The following SLC5A5 variants were observed in gnomAD, a reference collection of about 807,000 sequenced individuals.
SLC5A5 encodes solute carrier family 5 member 5.
SLC5A5 carries 56 observed loss-of-function variants against 68.6 expected under a neutral mutation model. That is an observed-to-expected ratio of 0.82 (90% CI 0.66 to 1.02). The LOEUF is 1.02. Ranked by LOEUF, SLC5A5 falls within the 50% of genes least tolerant of loss-of-function variation. The probability of loss-of-function intolerance (pLI) is 0.00; values close to 1 mark genes in which losing one functional copy is unlikely to be tolerated. For missense variants in SLC5A5, 807 were observed against 859.8 expected (o/e 0.94, Z 0.77); for synonymous variants, 398 against 373.0 (o/e 1.07, Z -0.77).
At chr19:17,878,236 C>T (rs369856922) in intron 7 of SLC5A5, 143 bp downstream of exon 7, 9 of 983,884 alleles carry the variant, frequency 9.1e-6, no homozygotes, top group East Asian at 2.6e-5. Flanking sequence ...CCAGGTGCGG[C>T]GGCTCATGCC....
At chr19:17,875,923 C>CCT (rs1387626980) in intron 4 of SLC5A5, 29 bp from the exon 5 acceptor site, 1 of 1,613,650 alleles carries the variant, frequency 6.2e-7, no homozygotes, top group African/African-American at 1.3e-5. Context: ...TCTAACCGCC[C>CCT]CTCTCCCTCT....
chr19:17,882,766 C>T (rs2094323743), intron 10 of SLC5A5, among the ~76,000 whole-genome samples: 1 of 152,146 alleles, frequency 6.6e-6, no homozygotes, highest in Non-Finnish European at 1.5e-5. Flanking sequence ...TCACTGCAAG[C>T]TCAGCCTCCT....
At chr19:17,885,866 A>C (rs2029896555) in intron 12 of SLC5A5, among the ~76,000 whole-genome samples, 1 of 151,668 alleles carries the variant, frequency 6.6e-6, no homozygotes, top group Admixed American at 6.6e-5. Context: ...AGCATAATAC[A>C]TATATATTTT....
chr19:17,880,919 C>T lies in SLC5A5; in HGVS notation c.1024C>T (p.Leu342Phe), dbSNP rs749157460. The T allele has an allele frequency of 6.2e-7, 1 of 1,614,032 alleles. No homozygotes were observed. The highest frequency in any genetic ancestry group is 1.7e-5 in the Admixed American group (1 of 59,988). Residue 342 changes from leucine (L) to phenylalanine (F), a missense_variant, in exon 8 of 15, where the codon CTT becomes TTT. Physicochemically the swap from Leu to Phe is conservative, Grantham distance 22. Coordinates refer to ENST00000222248, the MANE Select transcript of SLC5A5 (RefSeq NM_000453.3). ...IFEDLPGVPG[L>F]FLACAYSGTL... ...CGAAGATCTGCCTGGAGTCCCCGGG[C>T]TTTTCCTGGCCTGTGCTTACAGTGG...
chr19:17,877,584 A>G, intron 5 of SLC5A5, 139 bp from the exon 6 acceptor site: 1 of 1,060,944 alleles, frequency 9.4e-7, no homozygotes, highest in South Asian at 1.4e-5. Flanking sequence ...CTGGGATTAC[A>G]GGCATGAGCC....
Position 17,890,936 on chromosome 19 carries a change from G to A in SLC5A5, c.1702G>A (p.Ala568Thr), listed in dbSNP as rs570968775. 1.5e-5 allele frequency: 25 copies of A among 1,614,038 alleles called. No homozygotes were observed. Among genetic ancestry groups the A allele is most frequent in the African/African-American group, 1.5e-4 (11 of 75,028 alleles). Residue 568 changes from alanine (A) to threonine (T), a missense_variant, in exon 14 of 15, where the codon GCA (alanine) becomes ACA (threonine). Ala to Thr is a moderately conservative substitution (Grantham distance 58). Transcript: ENST00000222248. ...CCCGGGATTGTTGTGGTGGGACCTC[G>A]CACGGCAGACAGCATCAGTGGCCCC... ...LAPGLLWWDL[A>T]RQTASVAPKE...
At position 17,874,696 on chromosome 19, in the gene SLC5A5, T is replaced by TTCTGACCCCG; in HGVS notation, c.508_509insTCTGACCCCG (p.Ser170PhefsTer2). 1 of 1,613,984 alleles carries TTCTGACCCCG rather than the reference T, an allele frequency of 6.2e-7. No homozygotes were observed. Among genetic ancestry groups the TTCTGACCCCG allele is most frequent in the African/African-American group, 1.3e-5 (1 of 74,908 alleles). On this transcript the variant is annotated stop_gained and frameshift_variant, in exon 4 of 15. Coordinates refer to ENST00000222248, the MANE Select transcript of SLC5A5 (RefSeq NM_000453.3). LOFTEE classifies it high-confidence loss of function. ...GCTGGACATCTGGGCGTCGCTCCTGTCCACCGGAATTATCTGCACCTTCTA... is the reference window on the plus strand; with the variant it reads ...GCTGGACATCTGGGCGTCGCTCCTGTTCTGACCCCGCCACCGGAATTATCTGCACCTTCTA...
In SLC5A5 at chr19:17,875,946, C is replaced by A; in HGVS notation, c.544-6C>A. 6.2e-7 allele frequency: 1 copy of A among 1,614,090 alleles called. No individual in the cohort carries two copies. The highest frequency in any genetic ancestry group is 8.5e-7 in the Non-Finnish European group (1 of 1,179,978). On this transcript the variant is annotated splice_polypyrimidine_tract_variant and splice_region_variant and intron_variant, in intron 4 of 14. Transcript: ENST00000222248. Reference sequence around the variant, plus strand: ...CCCCTCTCCCTCTCTCTGTCCCATGCTGCAGGGCGGCATGAAGGCTGTGGT... The same window carrying A: ...CCCCTCTCCCTCTCTCTGTCCCATGATGCAGGGCGGCATGAAGGCTGTGGT...
Position 17,881,965 on chromosome 19 carries a change from C to A in SLC5A5, c.1064C>A (p.Ala355Glu). ...CCGCTGCCTTCCTCACACAGCACAG[C>A]ATCCACCAGCATCAATGCTATGGCT... ...ACAYSGTLST[A>E]STSINAMAAV... Residue 355 changes from alanine (A) to glutamate (E), a missense_variant, in exon 9 of 15, where the codon GCA (alanine) becomes GAA (glutamate). Physicochemically the swap from Ala to Glu is moderately radical, Grantham distance 107. Coordinates refer to ENST00000222248, the MANE Select transcript of SLC5A5 (RefSeq NM_000453.3). 6.2e-7 allele frequency: 1 copy of A among 1,613,382 alleles called. No homozygotes were observed. Among genetic ancestry groups the A allele is most frequent in the Non-Finnish European group, 8.5e-7 (1 of 1,179,310 alleles).
At position 17,874,481 on chromosome 19, in the gene SLC5A5, A is replaced by T. The variant is rs1568418874; in HGVS notation, c.424-13A>T. 2 of 1,612,536 alleles carry T rather than the reference A, an allele frequency of 1.2e-6. No homozygotes were observed. The highest frequency in any genetic ancestry group is 1.7e-5 in the Admixed American group (1 of 59,824). On this transcript the variant is annotated splice_polypyrimidine_tract_variant and intron_variant, in intron 2 of 14. Transcript: ENST00000222248. ...CGCCCTCCCTGCTCACCCGCCCCAC[A>T]CTCTGTCTACAGATGCTGTACACCG... is the stretch of plus-strand genomic sequence containing the variant.
chr19:17,874,279 A>AAGACCCCGCCC, intron 2 of SLC5A5, 76 bp downstream of exon 2: 3 of 1,025,400 alleles, frequency 2.9e-6, no homozygotes, highest in South Asian at 1.3e-5. Flanking sequence ...CCCACCATTC[A>AAGACCCCGCCC]AGACCCCGCC....
chr19:17,884,665 C>T (rs554976096), intron 12 of SLC5A5, among the ~76,000 whole-genome samples: 5 of 151,566 alleles, frequency 3.3e-5, no homozygotes, highest in African/African-American at 1.2e-4. Context: ...CCCAGCTACT[C>T]GGGAGGCTGA....
chr19:17,882,093 G>T, intron 9 of SLC5A5, 21 bp downstream of exon 9: 1 of 1,611,554 alleles, frequency 6.2e-7, no homozygotes, highest in Non-Finnish European at 8.5e-7. Flanking sequence ...GGGAGACCTG[G>T]GTGGGAGGCC....
intron 2 of SLC5A5, 75 bp downstream of exon 2, chr19:17,874,278 C>A: frequency 1.9e-6 from 2 of 1,068,192 alleles, no homozygotes; most frequent in South Asian, 1.3e-5. Flanking sequence ...CCCCACCATT[C>A]AAGACCCCGC....
At chr19:17,881,242 A>G (rs1257347039) in intron 8 of SLC5A5, among the ~76,000 whole-genome samples, 1 of 151,022 alleles carries the variant, frequency 6.6e-6, no homozygotes, top group East Asian at 1.9e-4. Context: ...TATTTGTTGA[A>G]CATCTACTAT....
intron 13 of SLC5A5, among the ~76,000 whole-genome samples, chr19:17,890,281 G>A (rs1254462697): frequency 6.6e-6 from 1 of 152,150 alleles, no homozygotes; most frequent in Non-Finnish European, 1.5e-5. Context: ...ATGTTGGCCA[G>A]ACTAGTCTCG....
chr19:17,884,138 C>A, intron 12 of SLC5A5, 92 bp downstream of exon 12: 1 of 1,164,712 alleles, frequency 8.6e-7, no homozygotes, highest in East Asian at 2.6e-5. Flanking sequence ...TGTAAGAAGC[C>A]TGATTAGTAA....
Position 17,884,035 on chromosome 19 carries a change from C to T in SLC5A5, c.1515C>T (p.Ser505=). The T allele has an allele frequency of 6.4e-7, 1 of 1,564,484 alleles. No individual in the cohort carries two copies. Among genetic ancestry groups the T allele is most frequent in the Non-Finnish European group, 8.6e-7 (1 of 1,157,368 alleles). ...CTCTCCTCCCTGCTAACGACTCCAG[C>T]AGGGCCCCCAGGTGAGCAGACTTGA... is the stretch of plus-strand genomic sequence containing the variant. ...DPALLPANDS[S]RAPSSGMDAS... The change falls in exon 12 of 15, where the codon AGC becomes AGT. Residue 505 remains serine (S), a synonymous_variant. Coordinates refer to ENST00000222248, the MANE Select transcript of SLC5A5 (RefSeq NM_000453.3).
intron 5 of SLC5A5, among the ~76,000 whole-genome samples, chr19:17,876,866 TAA>T (rs918825985): frequency 5.3e-5 from 6 of 113,974 alleles, no homozygotes; most frequent in Non-Finnish European, 3.7e-5. Flanking sequence ...GTCCCCCCCC[TAA>T]AAAAAAAAAA....
Sources: allele counts gnomAD v4.1 joint callset (sites outside exome capture counted in the v4.1 genomes callset), GRCh38; gene constraint gnomAD v4.1.1; transcripts MANE v1.5; gene names NCBI Gene and HGNC (gene_info 2026-07-23, HGNC 2026-07-21).